Variants in PDGFC observed in about 807,000 individuals in gnomAD.
The protein encoded by PDGFC is platelet-derived growth factor C.
PDGFC carries 12 observed loss-of-function variants against 35.5 expected under a neutral mutation model. That is an observed-to-expected ratio of 0.34 (90% confidence interval 0.22 to 0.55). The LOEUF (loss-of-function observed/expected upper bound fraction) is 0.55. Ranked by LOEUF, PDGFC falls within the 20% of genes least tolerant of loss-of-function variation. The pLI, the probability that PDGFC is intolerant of heterozygous loss-of-function variation, is 0.91. For synonymous variants in PDGFC, 159 were observed against 148.8 expected (o/e 1.07, Z -0.50); for missense variants, 322 against 412.4 (o/e 0.78, Z 1.90).
intron 2 of PDGFC, among the ~76,000 whole-genome samples, chr4:156,821,173 GTGTGTGTGTGTGTGTGTGTGTA>G (rs1732245426): frequency 1.2e-5 from 1 of 85,628 alleles, no homozygotes; most frequent in Non-Finnish European, 2.6e-5. Flanking sequence ...TGTTGTATGT[GTGTGTGTGTGTGTGTGTGTGTA>G]TGTGTGTGTG....
chr4:156,937,956 T>A (rs1162918138), intron 1 of PDGFC, among the ~76,000 whole-genome samples: 1 of 152,168 alleles, frequency 6.6e-6, no homozygotes, highest in Non-Finnish European at 1.5e-5. Context: ...TTCTCAATTT[T>A]AATAATGTGC....
At chr4:156,904,631 G>A (rs1560866437) in intron 1 of PDGFC, among the ~76,000 whole-genome samples, 1 of 152,066 alleles carries the variant, frequency 6.6e-6, no homozygotes, top group Non-Finnish European at 1.5e-5. Context: ...ACCATCAAGT[G>A]TATATTTGTG....
chr4:156,890,854 T>G (rs555810625), intron 1 of PDGFC, among the ~76,000 whole-genome samples: 1 of 152,330 alleles, frequency 6.6e-6, no homozygotes, highest in African/African-American at 2.4e-5. Flanking sequence ...CTAAGAGTAT[T>G]ATTTCAAAGT....
chr4:156,944,201 T>C (rs752347785), intron 1 of PDGFC, among the ~76,000 whole-genome samples: 2 of 152,174 alleles, frequency 1.3e-5, no homozygotes, highest in Non-Finnish European at 2.9e-5. Context: ...TTAATGCTAG[T>C]AATTTCACTC....
chr4:156,784,389 A>G (rs1294430055), intron 3 of PDGFC, among the ~76,000 whole-genome samples: 1 of 152,146 alleles, frequency 6.6e-6, no homozygotes, highest in African/African-American at 2.4e-5. Context: ...AGGGAGAATA[A>G]CATCAAAGTA....
intron 3 of PDGFC, among the ~76,000 whole-genome samples, chr4:156,809,055 C>T (rs1407243837): frequency 6.6e-6 from 1 of 151,964 alleles, no homozygotes; most frequent in African/African-American, 2.4e-5. Context: ...TTTTCCTAAA[C>T]ATAGTTTAAT....
At chr4:156,898,098 A>T (rs1438292582) in intron 1 of PDGFC, among the ~76,000 whole-genome samples, 1 of 152,300 alleles carries the variant, frequency 6.6e-6, no homozygotes, top group East Asian at 1.9e-4. Flanking sequence ...CTTTGGGAAC[A>T]ATTAGGTCAT....
At position 156,817,768 on chromosome 4, in the gene PDGFC, C is replaced by T. The variant is rs143525266; in HGVS notation, c.315-6751G>A. 1.4e-3 allele frequency among the ~76,000 whole-genome samples: 207 copies of T among 152,076 alleles called. 1 individual carries two copies. The highest frequency in any genetic ancestry group is 4.3e-3 in the African/African-American group (180 of 41,502). On this transcript the variant is annotated intron_variant, in intron 2 of 5. Transcript: ENST00000502773. ...ATCCTCCCCATTAAATTTTAAAATG[C>T]TAGGCTAGGGCTGGGCGTGGTGGCT...
At chr4:156,799,094 T>TAA (rs145334458) in intron 3 of PDGFC, among the ~76,000 whole-genome samples, 9,452 of 152,224 alleles carry the variant, frequency 0.062, 978 homozygotes, top group African/African-American at 0.22. Context: ...TTAGCTTTCT[T>TAA]AAGCAATCTG....
At chr4:156,805,937 A>C (rs905165172) in intron 3 of PDGFC, among the ~76,000 whole-genome samples, 5 of 151,938 alleles carry the variant, frequency 3.3e-5, no homozygotes, top group Admixed American at 6.6e-5. Context: ...ACACCCTTCC[A>C]CAGGGCATGC....
chr4:156,800,835 G>T (rs963223025), intron 3 of PDGFC, among the ~76,000 whole-genome samples: 4 of 152,224 alleles, frequency 2.6e-5, no homozygotes, highest in African/African-American at 4.8e-5. Flanking sequence ...CTTCCAAACT[G>T]CCCTTAGTCA....
chr4:156,960,894 G>T (rs973295284), intron 1 of PDGFC, among the ~76,000 whole-genome samples: 7 of 152,028 alleles, frequency 4.6e-5, no homozygotes, highest in Non-Finnish European at 1.0e-4. Context: ...AATCATTACT[G>T]TGTTTTTCCT....
At chr4:156,946,477 C>G (rs1731951397) in intron 1 of PDGFC, among the ~76,000 whole-genome samples, 1 of 151,928 alleles carries the variant, frequency 6.6e-6, no homozygotes, top group African/African-American at 2.4e-5. Flanking sequence ...GAAAAATGGC[C>G]TTGGTATTAT....
At chr4:156,953,375 G>A (rs1460717085) in intron 1 of PDGFC, among the ~76,000 whole-genome samples, 1 of 151,846 alleles carries the variant, frequency 6.6e-6, no homozygotes, top group South Asian at 2.1e-4. Flanking sequence ...GTCAACTAAT[G>A]GTAAAGGGAT....
intron 2 of PDGFC, among the ~76,000 whole-genome samples, chr4:156,826,051 T>A (rs1007695477): frequency 1.3e-5 from 2 of 151,364 alleles, no homozygotes; most frequent in Non-Finnish European, 2.9e-5. Context: ...CAAATTTTTT[T>A]AGAGAAGGGG....
Position 156,850,368 on chromosome 4 carries a change from C to T in PDGFC, c.167G>A (p.Gly56Glu). The change falls in exon 2 of 6, where the codon GGA becomes GAA. Residue 56 changes from glycine (G) to glutamate (E), a missense_variant. Gly to Glu is a moderately conservative substitution (Grantham distance 98, BLOSUM62 -2). Around this residue, in one of 2 missense-constraint regions of PDGFC, gnomAD observed 120 missense variants for 116.6 expected, o/e 1.03. Transcript: ENST00000502773. ...AGGAAACCTTGGGCTGTGAATACTT[C>T]CATTAGTAGACACAGTAATAATTCT... The part of the protein sequence containing the change: ...HERIITVSTN[G>E]SIHSPRFPHT... 6.2e-7 allele frequency: 1 copy of T among 1,606,058 alleles called. No homozygotes were observed. Among genetic ancestry groups the T allele is most frequent in the South Asian group, 1.1e-5 (1 of 90,102 alleles).
intron 3 of PDGFC, among the ~76,000 whole-genome samples, chr4:156,780,591 C>T (rs1730950531): frequency 6.6e-6 from 1 of 152,164 alleles, no homozygotes; most frequent in Admixed American, 6.6e-5. Context: ...ATACACTCAA[C>T]TTCATTCTAG....
intron 3 of PDGFC, among the ~76,000 whole-genome samples, chr4:156,776,450 T>C (rs1235776312): frequency 1.3e-5 from 2 of 152,212 alleles, no homozygotes; most frequent in Non-Finnish European, 2.9e-5. Flanking sequence ...CTTGGTGTTC[T>C]GCAATGTAGA....
chr4:156,901,013 T>C (rs1730758347), intron 1 of PDGFC, among the ~76,000 whole-genome samples: 1 of 151,598 alleles, frequency 6.6e-6, no homozygotes, highest in Admixed American at 6.6e-5. Context: ...AAAGAGAGAA[T>C]GCAAAAGATG....
Sources: gnomAD v4.1 joint callset for allele counts (sites outside exome capture counted in the v4.1 genomes callset) on GRCh38, gnomAD v4.1.1 for gene constraint, gnomAD v4.1.1 regional missense constraint, MANE v1.5 for transcripts, NCBI Gene and HGNC (gene_info 2026-07-23, HGNC 2026-07-21) for gene names.